Variants in HYAL4 observed in about 807,000 individuals in gnomAD.
The protein encoded by HYAL4 is hyaluronidase 4.
In HYAL4, 37 loss-of-function variants were observed where a neutral mutation model predicts 35.2. The observed-to-expected ratio is 1.05, with a 90% CI of 0.81 to 1.38. The LOEUF is 1.38. HYAL4 is among the 40% of genes most tolerant of loss of function. The pLI is 0.00. For synonymous variants in HYAL4, 198 were observed against 203.2 expected (o/e 0.97, Z 0.22); for missense variants, 572 against 572.4 (o/e 1.00, Z 0.01).
At chr7:123,824,062 A>G (rs118107090), upstream of HYAL4, among the ~76,000 whole-genome samples, 1,848 of 152,290 alleles carry the variant, frequency 0.012, 18 homozygotes, top group Non-Finnish European at 0.021. Context: ...CAGCATTGTT[A>G]AGAACAGGAG....
upstream of HYAL4, among the ~76,000 whole-genome samples, chr7:123,843,311 A>G (rs1238982861): frequency 6.6e-6 from 1 of 152,086 alleles, no homozygotes; most frequent in African/African-American, 2.4e-5. Context: ...TTCTTTAAGA[A>G]TGTTGAATAT....
At chr7:123,869,846 C>G (rs569922630) in intron 3 of HYAL4, among the ~76,000 whole-genome samples, 13 of 149,004 alleles carry the variant, frequency 8.7e-5, no homozygotes, top group African/African-American at 2.9e-4. Context: ...CACCCCCCCC[C>G]ACCCAGCTAA....
chr7:123,786,490 C>T, the HYAL4 span, among the ~76,000 whole-genome samples: 1 of 152,070 alleles, frequency 6.6e-6, no homozygotes, highest in African/African-American at 2.4e-5. Context: ...TACAATGACT[C>T]CTTGATTCTA....
chr7:123,855,649 C>G (rs910469790), intron 2 of HYAL4, among the ~76,000 whole-genome samples: 1 of 152,078 alleles, frequency 6.6e-6, no homozygotes, highest in African/African-American at 2.4e-5. Flanking sequence ...TTCATTTTAA[C>G]CTTGGGTAAT....
At chr7:123,774,052 T>C in the HYAL4 span, among the ~76,000 whole-genome samples, 2 of 152,168 alleles carry the variant, frequency 1.3e-5, no homozygotes, top group Non-Finnish European at 2.9e-5. Context: ...GGTAGAATCT[T>C]GTTCTGTTGC....
At chr7:123,830,206 C>T (rs1427565135) in intron 1 of HYAL4, among the ~76,000 whole-genome samples, 1 of 152,160 alleles carries the variant, frequency 6.6e-6, no homozygotes, top group Non-Finnish European at 1.5e-5. Context: ...GACTGTAATA[C>T]TTTGTCAACT....
intron 4 of HYAL4, chr7:123,876,021 T>C (rs574263636): frequency 1.0e-4 from 47 of 456,660 alleles, no homozygotes; most frequent in Admixed American, 5.6e-4. Context: ...TTCCTGACTT[T>C]CCAGGTGTGA....
chr7:123,812,919 A>G, the HYAL4 span, among the ~76,000 whole-genome samples: 10 of 152,188 alleles, frequency 6.6e-5, no homozygotes, highest in Non-Finnish European at 1.3e-4. Flanking sequence ...TGGTGCTATA[A>G]TACACACTCC....
At chr7:123,837,683 C>G (rs891347332) in intron 1 of HYAL4, among the ~76,000 whole-genome samples, 1 of 128,004 alleles carries the variant, frequency 7.8e-6, no homozygotes, top group African/African-American at 2.9e-5. Flanking sequence ...CCCCTCCCCC[C>G]ACCCCACAAC....
chr7:123,763,881 C>A, the HYAL4 span, among the ~76,000 whole-genome samples: 1 of 152,232 alleles, frequency 6.6e-6, no homozygotes, highest in Non-Finnish European at 1.5e-5. Flanking sequence ...TTGTAGTTCC[C>A]TGAACAGGCC....
chr7:123,825,216 CG>C (rs1430503652), upstream of HYAL4, among the ~76,000 whole-genome samples: 2 of 151,746 alleles, frequency 1.3e-5, no homozygotes, highest in African/African-American at 4.8e-5. Context: ...TTTTTAACCA[CG>C]TTACATATAA....
the HYAL4 span, among the ~76,000 whole-genome samples, chr7:123,799,646 A>G: frequency 6.6e-6 from 1 of 151,480 alleles, no homozygotes; most frequent in Non-Finnish European, 1.5e-5. Flanking sequence ...AAAAATATAT[A>G]TAAATTTAAA....
chr7:123,802,922 T>C, the HYAL4 span, among the ~76,000 whole-genome samples: 1 of 152,378 alleles, frequency 6.6e-6, no homozygotes, highest in South Asian at 2.1e-4. Context: ...CTGACCTTGC[T>C]GGTGTCTCGG....
the HYAL4 span, among the ~76,000 whole-genome samples, chr7:123,771,631 G>A: frequency 1.3e-5 from 2 of 151,990 alleles, no homozygotes; most frequent in South Asian, 4.2e-4. Flanking sequence ...TGGCATTTTT[G>A]TTATGGGTAG....
the HYAL4 span, among the ~76,000 whole-genome samples, chr7:123,810,081 A>G: frequency 2.6e-5 from 4 of 152,208 alleles, no homozygotes; most frequent in East Asian, 7.7e-4. Flanking sequence ...ATGGAAGAAA[A>G]TCTGCCAGGA....
the HYAL4 span, among the ~76,000 whole-genome samples, chr7:123,811,537 CTTG>C: frequency 1.2e-4 from 19 of 152,118 alleles, no homozygotes; most frequent in Admixed American, 5.2e-4. Flanking sequence ...TGTTCATTTT[CTTG>C]TTGTTGAAAT....
the HYAL4 span, among the ~76,000 whole-genome samples, chr7:123,791,167 A>G: frequency 1.3e-5 from 2 of 152,180 alleles, no homozygotes; most frequent in Non-Finnish European, 2.9e-5. Context: ...GGCTCCTTGA[A>G]TTAGTTTTCA....
chr7:123,839,645 T>G (rs1426857238), intron 1 of HYAL4, among the ~76,000 whole-genome samples: 1 of 152,214 alleles, frequency 6.6e-6, no homozygotes, highest in Non-Finnish European at 1.5e-5. Flanking sequence ...CTCCAGCATC[T>G]GTTGTTTCCT....
At chr7:123,830,756 A>G (rs1032584253) in intron 1 of HYAL4, among the ~76,000 whole-genome samples, 6 of 152,062 alleles carry the variant, frequency 3.9e-5, no homozygotes, top group African/African-American at 7.2e-5. Flanking sequence ...AAGTCTTTTG[A>G]CTTTATCTTC....
Sources: gnomAD v4.1 joint callset for allele counts (sites outside exome capture counted in the v4.1 genomes callset) on GRCh38, gnomAD v4.1.1 for gene constraint, MANE v1.5 for transcripts, NCBI Gene and HGNC (gene_info 2026-07-23, HGNC 2026-07-21) for gene names.